THSD7B: variants seen among roughly 807,000 people sequenced by gnomAD.
THSD7B encodes the protein thrombospondin type-1 domain-containing protein 7B.
In THSD7B, 138 loss-of-function variants were observed where a neutral mutation model predicts 213.6. That is an observed-to-expected ratio of 0.65 (90% confidence interval 0.56 to 0.74). THSD7B has a LOEUF of 0.74. THSD7B is among the 30% of genes least tolerant of loss of function. THSD7B has a pLI of 0.00. For missense variants in THSD7B, 1,931 were observed against 1,991.5 expected, an observed-to-expected ratio of 0.97 and a Z score of 0.58; for synonymous variants, 742 against 687.0, an observed-to-expected ratio of 1.08 and a Z score of -1.25.
At chr2:137,476,588 G>A (rs538148627) in intron 15 of THSD7B, among the ~76,000 whole-genome samples, 1 of 152,208 alleles carries the variant, frequency 6.6e-6, no homozygotes, top group Admixed American at 6.5e-5. Context: ...CCTTTCCCCA[G>A]TGTATGTTAC....
At chr2:136,922,221 C>T (rs768280003) in intron 2 of THSD7B, among the ~76,000 whole-genome samples, 1 of 152,130 alleles carries the variant, frequency 6.6e-6, no homozygotes, top group Non-Finnish European at 1.5e-5. Flanking sequence ...TGGCCACTGT[C>T]GCTACATTCT....
intron 15 of THSD7B, among the ~76,000 whole-genome samples, chr2:137,480,973 T>C (rs1688293821): frequency 6.6e-6 from 1 of 152,248 alleles, no homozygotes; most frequent in Non-Finnish European, 1.5e-5. Context: ...ATTAGGTCTT[T>C]ATAAAAGGTG....
At chr2:136,896,134 A>G (rs893711643) in intron 2 of THSD7B, among the ~76,000 whole-genome samples, 1 of 152,214 alleles carries the variant, frequency 6.6e-6, no homozygotes, top group Non-Finnish European at 1.5e-5. Context: ...TGGAATATAC[A>G]TGCTGAACTT....
chr2:137,235,802 A>G (rs543940049), intron 9 of THSD7B, among the ~76,000 whole-genome samples: 15 of 152,344 alleles, frequency 9.8e-5, no homozygotes, highest in Admixed American at 1.3e-4. Context: ...AGAAAAATCA[A>G]TTGCACAGAT....
At chr2:137,216,640 G>A (rs1229268347) in intron 7 of THSD7B, among the ~76,000 whole-genome samples, 1 of 152,096 alleles carries the variant, frequency 6.6e-6, no homozygotes, top group African/African-American at 2.4e-5. Flanking sequence ...TGGCATGCTC[G>A]GCAAAGATCC....
intron 15 of THSD7B, among the ~76,000 whole-genome samples, chr2:137,540,014 A>G (rs1449483254): frequency 1.3e-5 from 2 of 151,700 alleles, no homozygotes; most frequent in African/African-American, 4.8e-5. Flanking sequence ...AAAAACTAAA[A>G]AACTAAAATC....
At chr2:137,257,036 T>C (rs1371168660) in intron 10 of THSD7B, among the ~76,000 whole-genome samples, 1 of 152,122 alleles carries the variant, frequency 6.6e-6, no homozygotes, top group Non-Finnish European at 1.5e-5. Flanking sequence ...TCATGTGAAC[T>C]TAGGTCTTTC....
intron 12 of THSD7B, among the ~76,000 whole-genome samples, chr2:137,336,875 T>C (rs954543163): frequency 3.3e-5 from 5 of 152,078 alleles, no homozygotes; most frequent in African/African-American, 1.2e-4. Flanking sequence ...AACTTTGAAG[T>C]CATGCTTAAT....
intron 3 of THSD7B, among the ~76,000 whole-genome samples, chr2:137,064,933 G>T (rs973072893): frequency 5.3e-5 from 8 of 151,754 alleles, no homozygotes; most frequent in Non-Finnish European, 7.4e-5. Flanking sequence ...TTGAAGTCAG[G>T]TAATGTGATT....
At chr2:136,924,108 C>A (rs1684483019) in intron 2 of THSD7B, among the ~76,000 whole-genome samples, 1 of 152,030 alleles carries the variant, frequency 6.6e-6, no homozygotes, top group Non-Finnish European at 1.5e-5. Flanking sequence ...AGGTTTTATT[C>A]ATTTTTTATT....
At chr2:136,848,424 C>G (rs957987727) in intron 1 of THSD7B, among the ~76,000 whole-genome samples, 2 of 151,952 alleles carry the variant, frequency 1.3e-5, no homozygotes, top group Non-Finnish European at 2.9e-5. Context: ...GGTCCAGAGA[C>G]CACATTCTGA....
At chr2:137,094,431 C>T (rs577151176) in intron 3 of THSD7B, among the ~76,000 whole-genome samples, 1 of 152,148 alleles carries the variant, frequency 6.6e-6, no homozygotes, top group South Asian at 2.1e-4. Context: ...ATTAGCTGGG[C>T]ATGGTGGTGT....
chr2:137,068,827 G>A (rs978009521), intron 3 of THSD7B, among the ~76,000 whole-genome samples: 1 of 151,842 alleles, frequency 6.6e-6, no homozygotes, highest in East Asian at 1.9e-4. Context: ...GGCTACTGTT[G>A]GTTATTATGT....
chr2:136,931,735 A>G (rs534114210), intron 2 of THSD7B, among the ~76,000 whole-genome samples: 141 of 152,314 alleles, frequency 9.3e-4, no homozygotes, highest in African/African-American at 3.3e-3. Context: ...TCCATGATAC[A>G]TTCTACATTA....
chr2:137,269,648 A>G (rs1244491904), intron 10 of THSD7B, among the ~76,000 whole-genome samples: 2 of 152,250 alleles, frequency 1.3e-5, no homozygotes, highest in South Asian at 2.1e-4. Flanking sequence ...ATAATACAGT[A>G]TAATTGACAT....
At chr2:137,145,284 G>T (rs1679671938) in intron 5 of THSD7B, among the ~76,000 whole-genome samples, 1 of 152,026 alleles carries the variant, frequency 6.6e-6, no homozygotes, top group Non-Finnish European at 1.5e-5. Context: ...AGTTAGTTAT[G>T]GCCTGGTGGC....
intron 12 of THSD7B, among the ~76,000 whole-genome samples, chr2:137,314,327 G>A (rs1264266324): frequency 1.3e-5 from 2 of 152,012 alleles, no homozygotes; most frequent in African/African-American, 4.8e-5. Flanking sequence ...CATTCTTCAC[G>A]TAGTTCTTGA....
At chr2:137,399,246 G>T (rs1574006810) in intron 12 of THSD7B, among the ~76,000 whole-genome samples, 1 of 148,416 alleles carries the variant, frequency 6.7e-6, no homozygotes. Context: ...AGGTTGTAGT[G>T]CAGTGGTGTG....
intron 15 of THSD7B, among the ~76,000 whole-genome samples, chr2:137,527,624 G>C (rs1260716799): frequency 1.3e-5 from 2 of 151,954 alleles, no homozygotes; most frequent in Non-Finnish European, 2.9e-5. Context: ...CATTTGGGTG[G>C]TGTTGACTCT....
Sources: allele counts gnomAD v4.1 joint callset (sites outside exome capture counted in the v4.1 genomes callset), GRCh38; gene constraint gnomAD v4.1.1; transcripts MANE v1.5; gene names NCBI Gene and HGNC (gene_info 2026-07-23, HGNC 2026-07-21).